The following HIP1 variants were observed in gnomAD, a reference collection of about 807,000 sequenced individuals.
HIP1 encodes the protein huntingtin interacting protein 1, also known as huntingtin-interacting protein 1.
Under a neutral mutation model 147.6 loss-of-function variants are expected in HIP1, and 65 were observed. That is an observed-to-expected ratio of 0.44 (90% confidence interval 0.36 to 0.54). HIP1 has a LOEUF of 0.54. HIP1 is among the 20% of genes least tolerant of loss of function. The pLI, the probability that HIP1 is intolerant of heterozygous loss-of-function variation, is 0.00. For missense variants in HIP1, 1,061 were observed against 1,299.6 expected, an observed-to-expected ratio of 0.82 and a Z score of 2.82; for synonymous variants, 479 against 504.0, an observed-to-expected ratio of 0.95 and a Z score of 0.67.
intron 1 of HIP1, among the ~76,000 whole-genome samples, chr7:75,619,645 A>AT (rs2117087849): frequency 6.6e-6 from 1 of 152,212 alleles, no homozygotes; most frequent in African/African-American, 2.4e-5. Context: ...ATGTAAGTAA[A>AT]TTTTTTTCTG....
chr7:75,616,417 G>A (rs587739746), intron 1 of HIP1, among the ~76,000 whole-genome samples: 14 of 152,038 alleles, frequency 9.2e-5, no homozygotes, highest in Admixed American at 3.9e-4. Context: ...CTACAGGTGC[G>A]CACCACCACG....
intron 1 of HIP1, among the ~76,000 whole-genome samples, chr7:75,632,561 C>CTTTTT (rs58364410): frequency 7.4e-6 from 1 of 134,262 alleles, no homozygotes; most frequent in Non-Finnish European, 1.6e-5. Flanking sequence ...CTAATTTTTT[C>CTTTTT]TTTTTTTTTT....
chr7:75,637,212 C>A (rs1247200564), intron 1 of HIP1, among the ~76,000 whole-genome samples: 1 of 152,182 alleles, frequency 6.6e-6, no homozygotes, highest in Non-Finnish European at 1.5e-5. Context: ...TCTTTGTGTT[C>A]TTTACCCAGC....
chr7:75,637,882 C>G (rs1373053329), intron 1 of HIP1, among the ~76,000 whole-genome samples: 1 of 151,450 alleles, frequency 6.6e-6, no homozygotes, highest in Non-Finnish European at 1.5e-5. Flanking sequence ...TTGGTTGCCT[C>G]GAAAGGGCAC....
chr7:75,604,080 T>C (rs1332743463), intron 1 of HIP1, among the ~76,000 whole-genome samples: 5 of 147,646 alleles, frequency 3.4e-5, no homozygotes, highest in African/African-American at 1.3e-4. Context: ...ATTACAGCCG[T>C]TTAAACTATG....
intron 1 of HIP1, among the ~76,000 whole-genome samples, chr7:75,637,666 G>A (rs1554509869): frequency 6.7e-6 from 1 of 148,558 alleles, no homozygotes; most frequent in Non-Finnish European, 1.5e-5. Context: ...ACCATGAACA[G>A]GTATTTCTCT....
In HIP1 at chr7:75,586,804, C is replaced by T; in HGVS notation, c.414G>A (p.Leu138=). The T allele has an allele frequency of 6.2e-7, 1 of 1,613,576 alleles. No individual in the cohort carries two copies. Among genetic ancestry groups the T allele is most frequent in the Non-Finnish European group, 8.5e-7 (1 of 1,179,552 alleles). The part of the protein sequence containing the change: ...WGHLSEGYGQ[L]CSIYLKLLRT... ...TTAGCAGTTTCAGGTAGATGCTGCA[C>T]AGCTGGCCATACCCCTCGCTCAGGT... The change falls in exon 5 of 31, where the codon CTG becomes CTA. Residue 138 remains leucine (L), a synonymous_variant. Transcript: ENST00000336926.
chr7:75,611,087 A>AT (rs59350428), intron 1 of HIP1, among the ~76,000 whole-genome samples: 12 of 146,478 alleles, frequency 8.2e-5, no homozygotes, highest in South Asian at 2.1e-4. Context: ...TGTATTTTGT[A>AT]TTTTTTTTTT....
In HIP1 at chr7:75,586,223, G is replaced by A. The variant is rs148918626; in HGVS notation, c.465+530C>T. Among the ~76,000 whole-genome samples, 16 of 150,742 alleles carry A rather than the reference G, an allele frequency of 1.1e-4. No individual in the cohort carries two copies. The East Asian group carries it at 2.7e-3, about 26-fold the overall frequency. ...TTTTTGTTTTTTTTTTTGAGACAGAGTCTCATTTTGTCTCCCAGGCTGGAG... is the reference window on the plus strand; with the variant it reads ...TTTTTGTTTTTTTTTTTGAGACAGAATCTCATTTTGTCTCCCAGGCTGGAG... On this transcript the variant is annotated intron_variant, in intron 5 of 30. Coordinates refer to ENST00000336926, the MANE Select transcript of HIP1 (RefSeq NM_005338.7).
intron 2 of HIP1, among the ~76,000 whole-genome samples, chr7:75,597,488 C>T (rs1796790314): frequency 6.6e-6 from 1 of 152,102 alleles, no homozygotes; most frequent in African/African-American, 2.4e-5. Context: ...GCCTGTAATT[C>T]CAGCACTTTG....
intron 1 of HIP1, among the ~76,000 whole-genome samples, chr7:75,629,546 CT>C (rs58993055): frequency 0.28 from 40,580 of 145,474 alleles, 5,435 homozygotes; most frequent in South Asian, 0.31. Context: ...CCCCGCTTTT[CT>C]TTTTTTTTTT....
intron 1 of HIP1, among the ~76,000 whole-genome samples, chr7:75,707,820 G>A (rs1471682769): frequency 9.3e-5 from 12 of 129,124 alleles, no homozygotes; most frequent in African/African-American, 3.7e-4. Context: ...TCTGATCTTT[G>A]ACAAACCTGA....
At chr7:75,636,963 G>A (rs1434473923) in intron 1 of HIP1, among the ~76,000 whole-genome samples, 6 of 152,022 alleles carry the variant, frequency 3.9e-5, no homozygotes, top group African/African-American at 1.2e-4. Flanking sequence ...CTCTTCCTGC[G>A]ATTCTCCCAA....
intron 1 of HIP1, among the ~76,000 whole-genome samples, chr7:75,720,803 C>T (rs1244034262): frequency 1.3e-5 from 2 of 151,988 alleles, no homozygotes; most frequent in Non-Finnish European, 2.9e-5. Context: ...CTTTGAGAGG[C>T]CGAGGTGGGC....
intron 1 of HIP1, among the ~76,000 whole-genome samples, chr7:75,717,244 GATC>G (rs1297022367): frequency 2.0e-5 from 3 of 152,114 alleles, no homozygotes; most frequent in African/African-American, 7.2e-5. Flanking sequence ...GAGAATGATG[GATC>G]ATTGGTGATA....
In HIP1 at chr7:75,712,708, ACT is replaced by A. The variant is rs565575018; in HGVS notation, c.120+26091_120+26092del. Among the ~76,000 whole-genome samples the A allele has an allele frequency of 1.6e-3, 244 of 151,564 alleles. 1 individual carries two copies. The highest frequency in any genetic ancestry group is 5.2e-3 in the African/African-American group (216 of 41,294). ...TTCACTCTCATTCACTCATTTACTC[ACT>A]CTGTCAATCTCTGATTTACTCACTC... On this transcript the variant is annotated intron_variant, in intron 1 of 30. Transcript: ENST00000336926.
In HIP1 at chr7:75,599,832, C is replaced by T. The variant is rs587749576; in HGVS notation, c.121-585G>A. Among the ~76,000 whole-genome samples the T allele has an allele frequency of 5.4e-3, 770 of 143,644 alleles. 5 individuals are homozygous for T. Among genetic ancestry groups the T allele is most frequent in the African/African-American group, 0.02 (731 of 37,126 alleles). 94.2% of individuals were successfully genotyped at this position (143,644 alleles called of 152,430 possible). On this transcript the variant is annotated intron_variant, in intron 1 of 30. Coordinates refer to ENST00000336926, the MANE Select transcript of HIP1 (RefSeq NM_005338.7). Reference sequence around the variant, plus strand: ...ATTCCCTCTCAATCGTTTTTAAAATCGTTAACTTTTTTTTTTTTTTTTTTG... The same window carrying T: ...ATTCCCTCTCAATCGTTTTTAAAATTGTTAACTTTTTTTTTTTTTTTTTTG...
At chr7:75,606,906 C>A (rs1448241049) in intron 1 of HIP1, among the ~76,000 whole-genome samples, 1 of 151,934 alleles carries the variant, frequency 6.6e-6, no homozygotes, top group Non-Finnish European at 1.5e-5. Context: ...GATGAAGAAA[C>A]CAAGGTACCT....
chr7:75,674,972 A>C (rs540280461), intron 1 of HIP1, among the ~76,000 whole-genome samples: 1 of 151,570 alleles, frequency 6.6e-6, no homozygotes, highest in Non-Finnish European at 1.5e-5. Context: ...GTGGACTACT[A>C]TTCATTTTTC....
Sources: gnomAD v4.1 joint callset for allele counts (sites outside exome capture counted in the v4.1 genomes callset) on GRCh38, gnomAD v4.1.1 for gene constraint, MANE v1.5 for transcripts, NCBI Gene and HGNC (gene_info 2026-07-23, HGNC 2026-07-21) for gene names.